Variants in MAGI1 observed in about 807,000 individuals in gnomAD.
MAGI1 encodes membrane-associated guanylate kinase, WW and PDZ domain-containing protein 1.
A neutral mutation model predicts 139.9 loss-of-function variants in MAGI1; 58 were observed. The ratio of observed to expected loss-of-function variants is 0.41; its 90% confidence interval spans 0.34 to 0.52. The LOEUF (loss-of-function observed/expected upper bound fraction) is 0.52, where lower values mean the gene tolerates loss of function less well. Ranked by LOEUF, MAGI1 falls within the 20% of genes least tolerant of loss-of-function variation. The pLI, the probability that MAGI1 is intolerant of heterozygous loss-of-function variation, is 0.12. For synonymous variants in MAGI1, 812 were observed against 737.9 expected (o/e 1.10, Z -1.63); for missense variants, 1,874 against 1,901.6 (o/e 0.99, Z 0.27).
chr3:65,550,735 C>A lies in MAGI1; in HGVS notation c.431-57104G>T, dbSNP rs373644658. ...ATCCCAGCAATTTGGGAGGCCAAGA[C>A]AGGAGGATCACTTGAGCCCCGAAGT... On this transcript the variant is annotated intron_variant, in intron 2 of 22. Transcript: ENST00000402939. Among the ~76,000 whole-genome samples the A allele has an allele frequency of 1.1e-4, 16 of 151,744 alleles. No homozygotes were observed. The South Asian group carries it at 3.3e-3, about 32-fold the overall frequency.
intron 1 of MAGI1, among the ~76,000 whole-genome samples, chr3:65,951,037 A>AAGGAAGGAAGGG (rs1267175401): frequency 5.7e-5 from 3 of 52,372 alleles, no homozygotes; most frequent in Non-Finnish European, 1.7e-4. Context: ...GGAAGGAAGG[A>AAGGAAGGAAGGG]AAGGAGGGAG....
intron 1 of MAGI1, among the ~76,000 whole-genome samples, chr3:65,786,251 CTTTTTTT>C (rs3077812): frequency 8.7e-6 from 1 of 114,832 alleles, no homozygotes. Context: ...CCAATCATAA[CTTTTTTT>C]TTTTTTTTTT....
chr3:65,684,576 T>C (rs1171174093), intron 1 of MAGI1, among the ~76,000 whole-genome samples: 1 of 152,174 alleles, frequency 6.6e-6, no homozygotes, highest in South Asian at 2.1e-4. Flanking sequence ...CTGTTCAATA[T>C]CTTGACTGTG....
At chr3:65,477,708 A>ATTT (rs10647105) in intron 4 of MAGI1, among the ~76,000 whole-genome samples, 92 of 114,210 alleles carry the variant, frequency 8.1e-4, no homozygotes, top group African/African-American at 3.3e-3. Context: ...TATTATTATT[A>ATTT]TTATTTTTTT....
Position 65,478,672 on chromosome 3 carries a change from T to A in MAGI1, c.677A>T (p.Asn226Ile), listed in dbSNP as rs772547083. The A allele has an allele frequency of 6.2e-7, 1 of 1,613,986 alleles. No homozygotes were observed. The highest frequency in any genetic ancestry group is 8.5e-7 in the Non-Finnish European group (1 of 1,180,000). ...QSTPKRTKSYNDMQNAGIVHA... is the reference protein window; with the variant it reads ...QSTPKRTKSYIDMQNAGIVHA... ...GACTATGCCAGCATTTTGCATATCA[T>A]TGTAGGACTTGGTTCGCTTCGGGGT... The change falls in exon 4 of 23, where the codon AAT (asparagine) becomes ATT (isoleucine). Residue 226 changes from asparagine to isoleucine, a missense_variant. Coordinates refer to ENST00000402939, the MANE Select transcript of MAGI1 (RefSeq NM_001033057.2).
chr3:65,690,366 T>G (rs879884337), intron 1 of MAGI1, among the ~76,000 whole-genome samples: 33 of 152,196 alleles, frequency 2.2e-4, no homozygotes, highest in Non-Finnish European at 4.3e-4. Context: ...ACAGTTGGAG[T>G]TGGCTTTCTG....
intron 1 of MAGI1, among the ~76,000 whole-genome samples, chr3:65,825,433 T>G (rs1380658935): frequency 2.0e-5 from 3 of 152,182 alleles, no homozygotes; most frequent in African/African-American, 7.2e-5. Context: ...GACTTCATAT[T>G]GGTAGTCTGA....
At chr3:65,388,972 T>C (rs541155562) in intron 14 of MAGI1, among the ~76,000 whole-genome samples, 2 of 150,094 alleles carry the variant, frequency 1.3e-5, no homozygotes, top group African/African-American at 4.9e-5. Flanking sequence ...GCCTCCCGAG[T>C]AGCTGGGACT....
At chr3:65,551,237 G>A (rs542636821) in intron 2 of MAGI1, among the ~76,000 whole-genome samples, 12 of 152,314 alleles carry the variant, frequency 7.9e-5, no homozygotes, top group Admixed American at 7.8e-4. Context: ...CTTCTGCCGT[G>A]ATTCTAAGTT....
In MAGI1 at chr3:65,357,112, C is replaced by A; in HGVS notation, c.3655G>T (p.Gly1219Cys). Residue 1219 changes from glycine (G) to cysteine (C), a missense_variant, in exon 23 of 23, where the codon GGC becomes TGC. By Grantham distance (159) the Gly-to-Cys change is radical. Around this residue, in one of 5 missense-constraint regions of MAGI1, gnomAD observed 653 missense variants for 644.5 expected, o/e 1.01. Transcript: ENST00000402939. ...ACACCTTGTGGACCGGTGGCGGGGC[C>A]GTGGCGGTCGCTGCTGGGGTCTGCC... The part of the protein sequence containing the change: ...PEYDPSSDRH[G>C]PATGPQGVPE... 6.2e-7 allele frequency: 1 copy of A among 1,611,824 alleles called. No homozygotes were observed. Among genetic ancestry groups the A allele is most frequent in the Non-Finnish European group, 8.5e-7 (1 of 1,178,686 alleles).
At chr3:65,997,516 C>T (rs1177239091) in intron 1 of MAGI1, among the ~76,000 whole-genome samples, 3 of 152,040 alleles carry the variant, frequency 2.0e-5, no homozygotes, top group East Asian at 3.9e-4. Flanking sequence ...ATTAGCCAGG[C>T]GTGGTAGCGG....
intron 1 of MAGI1, among the ~76,000 whole-genome samples, chr3:65,778,755 A>G (rs533813330): frequency 1.6e-4 from 25 of 152,354 alleles, no homozygotes; most frequent in African/African-American, 6.0e-4. Context: ...GACTGAAGCC[A>G]GTCAAAATGT....
chr3:65,636,828 A>G (rs2084654393), intron 1 of MAGI1, among the ~76,000 whole-genome samples: 2 of 152,362 alleles, frequency 1.3e-5, no homozygotes, highest in South Asian at 2.1e-4. Flanking sequence ...TCAGGTAAAA[A>G]TCCTGGCACT....
At chr3:65,773,466 G>C (rs2038119941) in intron 1 of MAGI1, among the ~76,000 whole-genome samples, 1 of 152,136 alleles carries the variant, frequency 6.6e-6, no homozygotes, top group Non-Finnish European at 1.5e-5. Flanking sequence ...CTGGGAGGTG[G>C]AGTTTGCAGT....
At chr3:65,745,810 A>G (rs1293650708) in intron 1 of MAGI1, among the ~76,000 whole-genome samples, 2 of 152,104 alleles carry the variant, frequency 1.3e-5, no homozygotes, top group Non-Finnish European at 2.9e-5. Flanking sequence ...GCTCACTGCA[A>G]CCTCAGACTC....
chr3:65,784,289 T>C (rs2108026990), intron 1 of MAGI1, among the ~76,000 whole-genome samples: 1 of 152,322 alleles, frequency 6.6e-6, no homozygotes, highest in Non-Finnish European at 1.5e-5. Flanking sequence ...AATCCCACTC[T>C]AGGTATGCAT....
intron 1 of MAGI1, among the ~76,000 whole-genome samples, chr3:65,666,004 C>G (rs1016312237): frequency 3.9e-5 from 6 of 152,038 alleles, no homozygotes; most frequent in African/African-American, 1.4e-4. Flanking sequence ...CTTTTTTAAA[C>G]CATTAAGGAA....
chr3:65,549,315 C>T (rs2079696479), intron 2 of MAGI1: 1 of 567,972 alleles, frequency 1.8e-6, no homozygotes, highest in Admixed American at 6.3e-5. Context: ...CTTCCCTCTT[C>T]CTCATTCCCG....
At chr3:65,712,012 A>G (rs971796928) in intron 1 of MAGI1, among the ~76,000 whole-genome samples, 1 of 152,148 alleles carries the variant, frequency 6.6e-6, no homozygotes, top group African/African-American at 2.4e-5. Flanking sequence ...CCCAGGCTAT[A>G]AACTTCATGA....
Sources: gnomAD v4.1 joint callset for allele counts (sites outside exome capture counted in the v4.1 genomes callset) on GRCh38, gnomAD v4.1.1 for gene constraint, gnomAD v4.1.1 regional missense constraint, MANE v1.5 for transcripts, NCBI Gene and HGNC (gene_info 2026-07-23, HGNC 2026-07-21) for gene names.